NPR1: variants seen among roughly 807,000 people sequenced by gnomAD.
The protein encoded by NPR1 is natriuretic peptide receptor 1.
A neutral mutation model predicts 116.9 loss-of-function variants in NPR1; 57 were observed. The ratio of observed to expected loss-of-function variants is 0.49; its 90% CI spans 0.39 to 0.61. NPR1 has a LOEUF of 0.61. NPR1 is among the 20% of genes least tolerant of loss of function. The pLI is 0.00. For synonymous variants in NPR1, 555 were observed against 601.6 expected, an observed-to-expected ratio of 0.92 and a Z score of 1.13; for missense variants, 1,096 against 1,409.8, an observed-to-expected ratio of 0.78 and a Z score of 3.56.
At chr1:153,686,224 G>C (rs768605793) in intron 10 of NPR1, 24 bp downstream of exon 10, 2 of 1,609,440 alleles carry the variant, frequency 1.2e-6, no homozygotes. Context: ...TGAGGCAGTG[G>C]CATGGAGAAG....
intron 7 of NPR1, 30 bp from the exon 8 acceptor site, chr1:153,684,934 A>G: frequency 1.9e-6 from 3 of 1,612,448 alleles, no homozygotes; most frequent in South Asian, 2.2e-5. Flanking sequence ...CGGCTCAGCC[A>G]CAGGCTCAGA....
At chr1:153,688,841 C>A in intron 15 of NPR1, 112 bp from the exon 16 acceptor site, 1 of 1,310,656 alleles carries the variant, frequency 7.6e-7, no homozygotes, top group Non-Finnish European at 1.1e-6. Flanking sequence ...CAACCCTGAG[C>A]GTCTCTAGAG....
intron 2 of NPR1, 187 bp downstream of exon 2, chr1:153,680,887 G>C: frequency 3.1e-6 from 2 of 635,780 alleles, no homozygotes; most frequent in Non-Finnish European, 5.4e-6. Flanking sequence ...AGGCAATGAA[G>C]GGCAGGGGAC....
intron 4 of NPR1, among the ~76,000 whole-genome samples, 159 bp downstream of exon 4, chr1:153,681,998 A>G (rs1035238467): frequency 6.6e-6 from 1 of 152,038 alleles, no homozygotes; most frequent in Admixed American, 6.6e-5. Context: ...GAAGTCCTAC[A>G]AAGTGTCCAA....
chr1:153,691,769 C>T (rs890930278), intron 20 of NPR1, among the ~76,000 whole-genome samples: 1 of 151,712 alleles, frequency 6.6e-6, no homozygotes, highest in African/African-American at 2.4e-5. Flanking sequence ...CGTGGTGGCA[C>T]GTGCCCGTAA....
chr1:153,693,858 C>A lies in NPR1; in HGVS notation c.*444C>A, dbSNP rs1436468740. ...CCACATCTGGGGCTGGCCCACAATACCTGCTCCCCCGACCCCCTCCACCCA... is the reference window on the plus strand; with the variant it reads ...CCACATCTGGGGCTGGCCCACAATAACTGCTCCCCCGACCCCCTCCACCCA... On this transcript the variant is annotated 3_prime_UTR_variant, in exon 22 of 22. Coordinates refer to ENST00000368680, the MANE Select transcript of NPR1 (RefSeq NM_000906.4). 4 of 400,444 alleles carry A rather than the reference C, an allele frequency of 1.0e-5. No individual in the cohort carries two copies. Among genetic ancestry groups the A allele is most frequent in the Admixed American group, 4.4e-5 (1 of 22,768 alleles). The allele number at this position is 400,444 out of a possible 1,614,324, so 24.8% of individuals were successfully genotyped here. A position where few individuals can be genotyped will look rare whatever the true frequency, so the allele number is the denominator to read the frequency against.
chr1:153,690,731 C>T (rs537611994), intron 20 of NPR1, among the ~76,000 whole-genome samples: 1 of 151,892 alleles, frequency 6.6e-6, no homozygotes, highest in African/African-American at 2.4e-5. Flanking sequence ...CACCTGAGGT[C>T]GGGGGTTCGA....
intron 7 of NPR1, among the ~76,000 whole-genome samples, chr1:153,684,392 T>C (rs1007032368): frequency 1.7e-4 from 22 of 131,228 alleles, no homozygotes; most frequent in African/African-American, 5.6e-4. Context: ...CTTTCTTTTT[T>C]TTTTTTTTTT....
Position 153,688,208 on chromosome 1 carries a change from C to A in NPR1, c.2404C>A (p.Arg802Ser), listed in dbSNP as rs368538785. The A allele has an allele frequency of 1.2e-6, 2 of 1,613,414 alleles. No individual in the cohort carries two copies. The highest frequency in any genetic ancestry group is 1.7e-6 in the Non-Finnish European group (2 of 1,179,610). ...ATTCCAGCAGATCCGCCTGACGTTG[C>A]GCAAATTTAACAGGTCCCTGGTGTT... ...PPFQQIRLTL[R>S]KFNRENSSNI... Residue 802 changes from arginine (R) to serine (S), a missense_variant, in exon 15 of 22, where the codon CGC becomes AGC. Coordinates refer to ENST00000368680, the MANE Select transcript of NPR1 (RefSeq NM_000906.4).
At position 153,682,602 on chromosome 1, in the gene NPR1, A is replaced by C; in HGVS notation, c.1263+13A>C. 2 of 1,599,192 alleles carry C rather than the reference A, an allele frequency of 1.3e-6. No homozygotes were observed. Among genetic ancestry groups the C allele is most frequent in the East Asian group, 2.2e-5 (1 of 44,790 alleles). Reference sequence around the variant, plus strand: ...TGGTGCCTTCAGGGTAAGTTTGTGCACCCAGAAGACAGTGCCAATTCCAAA... The same window carrying C: ...TGGTGCCTTCAGGGTAAGTTTGTGCCCCCAGAAGACAGTGCCAATTCCAAA... On this transcript the variant is annotated intron_variant, in intron 5 of 21. Coordinates refer to ENST00000368680, the MANE Select transcript of NPR1 (RefSeq NM_000906.4).
intron 9 of NPR1, 110 bp from the exon 10 acceptor site, chr1:153,686,013 T>C (rs1669918203): frequency 7.2e-7 from 1 of 1,394,518 alleles, no homozygotes; most frequent in Non-Finnish European, 1.0e-6. Flanking sequence ...GGGTGGGCTA[T>C]TGGGAACAAG....
rs750895578 is a variant in NPR1, at chr1:153,678,881, C to T, written c.-228C>T. 1 of 512,992 alleles carries T rather than the reference C, an allele frequency of 1.9e-6. No homozygotes were observed. Among genetic ancestry groups the T allele is most frequent in the South Asian group, 3.5e-5 (1 of 28,200 alleles). 31.8% of individuals were successfully genotyped at this position (512,992 alleles called of 1,614,324 possible). On this transcript the variant is annotated 5_prime_UTR_variant, in exon 1 of 22. Coordinates refer to ENST00000368680, the MANE Select transcript of NPR1 (RefSeq NM_000906.4). This position sits in a 1 kb window ranked among gnomAD's most constrained non-coding sequence, Gnocchi z 5.8. ...TCTCCAGCCCGACGTTCTCCTGGCA[C>T]CCACCTGCTCCGCGGCGCCCTGCGC...
chr1:153,681,672 C>A (rs1482184844), intron 3 of NPR1, 32 bp from the exon 4 acceptor site: 1 of 1,607,518 alleles, frequency 6.2e-7, no homozygotes, highest in Non-Finnish European at 8.5e-7. Context: ...CTTCATATGC[C>A]CACCCCAGCC....
rs185675674 is a variant in NPR1, at chr1:153,681,083, C to G, written c.922-97C>G. On this transcript the variant is annotated intron_variant, in intron 2 of 21. Coordinates refer to ENST00000368680, the MANE Select transcript of NPR1 (RefSeq NM_000906.4). The stretch of plus-strand genomic sequence containing the variant: ...AGTTTGACCTTGAGCTAAGCAGAGA[C>G]GCAGCTCTGGGAGGTGGGCTCCCAA... 333 of 736,982 alleles carry G rather than the reference C, an allele frequency of 4.5e-4. 2 individuals are homozygous for G. The African/African-American group carries it at 5.3e-3, about 12-fold the overall frequency. 45.7% of individuals were successfully genotyped at this position (736,982 alleles called of 1,614,324 possible). A position where few individuals can be genotyped will look rare whatever the true frequency, so the allele number is the denominator to read the frequency against.
At position 153,690,274 on chromosome 1, in the gene NPR1, C is replaced by T. The variant is rs1670069848; in HGVS notation, c.2933-10C>T. The T allele has an allele frequency of 1.9e-6, 3 of 1,551,322 alleles. No homozygotes were observed. Among genetic ancestry groups the T allele is most frequent in the Admixed American group, 2.0e-5 (1 of 51,188 alleles). On this transcript the variant is annotated splice_polypyrimidine_tract_variant and intron_variant, in intron 19 of 21. Coordinates refer to ENST00000368680, the MANE Select transcript of NPR1 (RefSeq NM_000906.4). ...CTGATGGGCTCTGCTCCTTCCCTTGCTCCTCCCAGGACCTGTGTGTGCTGG... is the reference window on the plus strand; with the variant it reads ...CTGATGGGCTCTGCTCCTTCCCTTGTTCCTCCCAGGACCTGTGTGTGCTGG...
intron 6 of NPR1, 107 bp downstream of exon 6, chr1:153,683,618 T>C: frequency 6.4e-7 from 1 of 1,555,128 alleles, no homozygotes; most frequent in Non-Finnish European, 8.8e-7. Context: ...TTCTGGAGAA[T>C]GACTCCTGCC....
Position 153,686,747 on chromosome 1 carries a change from G to C in NPR1, c.1860G>C (p.Leu620=), listed in dbSNP as rs569844737. 151 of 1,613,380 alleles carry C rather than the reference G, an allele frequency of 9.4e-5. 1 individual carries two copies. The South Asian group carries it at 1.5e-3, about 16-fold the overall frequency. Residue 620 remains leucine, a synonymous_variant, in exon 11 of 22, where the codon CTG becomes CTC. Transcript: ENST00000368680. ...CAGAGTACTGTCCCCGTGGGAGCCT[G>C]CAGGTGAGGGGGACAAGGGGTGTCA... ...ILTEYCPRGS[L]QDILENESIT... is the part of the protein sequence containing the mutation.
Position 153,686,104 on chromosome 1 carries a change from G to A in NPR1, c.1681-19G>A, listed in dbSNP as rs199858757. On this transcript the variant is annotated intron_variant, in intron 9 of 21. Transcript: ENST00000368680. Reference sequence around the variant, plus strand: ...TGGGACCATGCTCTTCACAGTGACAGTCTCCATTCCATGCCCAGGGCAACC... The same window carrying A: ...TGGGACCATGCTCTTCACAGTGACAATCTCCATTCCATGCCCAGGGCAACC... 1.1e-5 allele frequency: 17 copies of A among 1,612,234 alleles called. No homozygotes were observed. The East Asian group carries it at 3.8e-4, about 36-fold the overall frequency.
chr1:153,690,108 GTCTCTCTCTC>G (rs1156364963), intron 19 of NPR1, 128 bp downstream of exon 19: 3,285 of 315,236 alleles, frequency 0.01, 95 homozygotes, highest in African/African-American at 0.079. Context: ...CTCTCTCTCT[GTCTCTCTCTC>G]TCTCTCTCTC....
Sources: gnomAD v4.1 joint callset for allele counts (sites outside exome capture counted in the v4.1 genomes callset) on GRCh38, gnomAD v4.1.1 for gene constraint, Gnocchi (gnomAD v3.1) non-coding constraint, MANE v1.5 for transcripts, NCBI Gene and HGNC (gene_info 2026-07-23, HGNC 2026-07-21) for gene names.